The following LRRC4C variants were observed in gnomAD, a reference collection of about 807,000 sequenced individuals.
LRRC4C encodes the protein leucine-rich repeat-containing protein 4C.
A neutral mutation model predicts 33.6 loss-of-function variants in LRRC4C; 5 were observed. That is an observed-to-expected ratio of 0.15 (90% CI 0.08 to 0.31). LRRC4C has a LOEUF of 0.31. LRRC4C is among the 10% of genes least tolerant of loss of function. The pLI is 1.00. For synonymous variants in LRRC4C, 329 were observed against 302.0 expected (o/e 1.09, Z -0.93); for missense variants, 560 against 796.7 (o/e 0.70, Z 3.58).
At chr11:40,375,336 C>G (rs540125450) in intron 3 of LRRC4C, among the ~76,000 whole-genome samples, 2 of 152,044 alleles carry the variant, frequency 1.3e-5, no homozygotes, top group East Asian at 3.9e-4. Flanking sequence ...TTTTTGAGAC[C>G]TAACCAAGAT....
chr11:40,946,870 A>G (rs1229866351), intron 1 of LRRC4C, among the ~76,000 whole-genome samples: 1 of 152,174 alleles, frequency 6.6e-6, no homozygotes, highest in Non-Finnish European at 1.5e-5. Context: ...GCTCAACCAT[A>G]AAGCCAGTCC....
At chr11:40,923,596 C>T (rs79105189) in intron 2 of LRRC4C, among the ~76,000 whole-genome samples, 9,279 of 152,184 alleles carry the variant, frequency 0.061, 395 homozygotes, top group Admixed American at 0.15. Context: ...TAGAACAGAG[C>T]TGTCTATAAT....
At chr11:41,286,663 ATTAGAT>A (rs1185021906) in intron 1 of LRRC4C, among the ~76,000 whole-genome samples, 25 of 135,058 alleles carry the variant, frequency 1.9e-4, no homozygotes, top group African/African-American at 6.4e-4. Flanking sequence ...CTTTCCTACT[ATTAGAT>A]CCTTAGTCAC....
At chr11:41,232,328 G>A (rs1158336820) in intron 1 of LRRC4C, among the ~76,000 whole-genome samples, 1 of 151,996 alleles carries the variant, frequency 6.6e-6, no homozygotes, top group Non-Finnish European at 1.5e-5. Context: ...ATAATTCTTT[G>A]TTGTCTGAGC....
At chr11:40,444,465 G>A (rs984375238) in intron 3 of LRRC4C, among the ~76,000 whole-genome samples, 18 of 150,258 alleles carry the variant, frequency 1.2e-4, no homozygotes, top group South Asian at 2.1e-4. Context: ...TAATGTTTCC[G>A]AATAAGCATC....
intron 3 of LRRC4C, among the ~76,000 whole-genome samples, chr11:40,518,759 C>T (rs966418002): frequency 9.2e-5 from 14 of 151,428 alleles, no homozygotes; most frequent in African/African-American, 3.4e-4. Flanking sequence ...GGTATATACC[C>T]AAAGGATTAT....
intron 2 of LRRC4C, among the ~76,000 whole-genome samples, chr11:40,806,572 A>G (rs1951261315): frequency 6.6e-6 from 1 of 152,242 alleles, no homozygotes; most frequent in African/African-American, 2.4e-5. Flanking sequence ...CTTTTCCAAG[A>G]GAGGGGAAAC....
chr11:40,431,429 A>G (rs1002712046), intron 3 of LRRC4C, among the ~76,000 whole-genome samples: 4 of 150,880 alleles, frequency 2.7e-5, no homozygotes, highest in Non-Finnish European at 5.9e-5. Context: ...ATTCTTAACT[A>G]TAAGGTATTT....
intron 3 of LRRC4C, among the ~76,000 whole-genome samples, chr11:40,622,613 A>G (rs939775550): frequency 5.9e-5 from 9 of 151,876 alleles, no homozygotes; most frequent in Non-Finnish European, 1.0e-4. Context: ...AGTTTCTAAA[A>G]CCATACTTTA....
intron 2 of LRRC4C, among the ~76,000 whole-genome samples, chr11:40,684,732 GA>G (rs1330120085): frequency 6.6e-6 from 1 of 151,628 alleles, no homozygotes; most frequent in African/African-American, 2.4e-5. Context: ...AATCAGAGAG[GA>G]AAAAATATAT....
At chr11:40,221,109 C>A (rs1864383361) in intron 5 of LRRC4C, among the ~76,000 whole-genome samples, 1 of 152,104 alleles carries the variant, frequency 6.6e-6, no homozygotes, top group African/African-American at 2.4e-5. Flanking sequence ...CTCCTGACCT[C>A]AGGTGACCTG....
intron 2 of LRRC4C, among the ~76,000 whole-genome samples, chr11:40,913,163 C>T (rs1475368507): frequency 6.6e-6 from 1 of 152,012 alleles, no homozygotes; most frequent in Non-Finnish European, 1.5e-5. Context: ...ACAAGGATAC[C>T]CAGGAACTGA....
chr11:40,824,804 T>C (rs1412208202), intron 2 of LRRC4C, among the ~76,000 whole-genome samples: 1 of 151,948 alleles, frequency 6.6e-6, no homozygotes, highest in Non-Finnish European at 1.5e-5. Context: ...GTGCTATCTA[T>C]CTACTGAGCT....
At chr11:40,197,245 G>A (rs1205006874) in intron 5 of LRRC4C, among the ~76,000 whole-genome samples, 2 of 152,014 alleles carry the variant, frequency 1.3e-5, no homozygotes, top group Non-Finnish European at 2.9e-5. Flanking sequence ...TCCATAAATT[G>A]TGCTAACCTC....
At chr11:40,704,087 AT>A (rs1233779186) in intron 2 of LRRC4C, among the ~76,000 whole-genome samples, 2 of 152,208 alleles carry the variant, frequency 1.3e-5, no homozygotes, top group Non-Finnish European at 2.9e-5. Flanking sequence ...ACTACAAAAA[AT>A]AATACAAATA....
At chr11:41,188,822 A>C (rs1328557360) in intron 1 of LRRC4C, among the ~76,000 whole-genome samples, 1 of 151,804 alleles carries the variant, frequency 6.6e-6, no homozygotes, top group Admixed American at 6.6e-5. Flanking sequence ...GCTCTCTTAC[A>C]TATAGAACCA....
At chr11:41,188,178 T>C (rs1945780323) in intron 1 of LRRC4C, among the ~76,000 whole-genome samples, 1 of 151,914 alleles carries the variant, frequency 6.6e-6, no homozygotes, top group Non-Finnish European at 1.5e-5. Flanking sequence ...AACACAGACT[T>C]CTTACTTCTT....
chr11:41,081,006 C>G (rs1223622606), intron 1 of LRRC4C, among the ~76,000 whole-genome samples: 1 of 152,136 alleles, frequency 6.6e-6, no homozygotes, highest in Non-Finnish European at 1.5e-5. Flanking sequence ...GTTTCATTTT[C>G]TGAGGATTTC....
At chr11:41,221,065 G>C (rs930993964) in intron 1 of LRRC4C, among the ~76,000 whole-genome samples, 1 of 151,988 alleles carries the variant, frequency 6.6e-6, no homozygotes. Context: ...GGAGGTTTGT[G>C]GTACAAATTA....
Sources: allele counts gnomAD v4.1 joint callset (sites outside exome capture counted in the v4.1 genomes callset), GRCh38; gene constraint gnomAD v4.1.1; transcripts MANE v1.5; gene names NCBI Gene and HGNC (gene_info 2026-07-23, HGNC 2026-07-21).